ADGB: variants seen among roughly 807,000 people sequenced by gnomAD.
The protein encoded by ADGB is androglobin, also known as calpain-7-like protein.
ADGB carries 172 observed loss-of-function variants against 210.5 expected under a neutral mutation model. That is an observed-to-expected ratio of 0.82 (90% confidence interval 0.72 to 0.93). The LOEUF (loss-of-function observed/expected upper bound fraction) is 0.93. ADGB is among the 40% of genes least tolerant of loss of function. ADGB has a pLI of 0.00. For synonymous variants in ADGB, 658 were observed against 662.7 expected (o/e 0.99, Z 0.11); for missense variants, 2,025 against 1,964.8 (o/e 1.03, Z -0.58).
intron 1 of ADGB, among the ~76,000 whole-genome samples, chr6:146,634,998 A>G (rs1047340057): frequency 4.6e-5 from 7 of 152,022 alleles, no homozygotes; most frequent in Non-Finnish European, 1.0e-4. Context: ...AAATGACTTA[A>G]TTTTCAAAAA....
At chr6:146,711,359 GTTT>G (rs934655462) in intron 13 of ADGB, among the ~76,000 whole-genome samples, 34 of 144,106 alleles carry the variant, frequency 2.4e-4, no homozygotes, top group African/African-American at 8.3e-4. Context: ...AATGCCTGTT[GTTT>G]TTTTTTTTTA....
At chr6:146,631,933 T>A (rs1408831793) in intron 1 of ADGB, among the ~76,000 whole-genome samples, 1 of 151,140 alleles carries the variant, frequency 6.6e-6, no homozygotes, top group Non-Finnish European at 1.5e-5. Flanking sequence ...ATCTGCTAGC[T>A]GCATTTAGGT....
chr6:146,724,529 T>A, intron 18 of ADGB: 1 of 392,556 alleles, frequency 2.5e-6, no homozygotes, highest in Non-Finnish European at 4.4e-6. Flanking sequence ...AATATCCCTT[T>A]GGGAGATTCA....
At position 146,730,618 on chromosome 6, in the gene ADGB, C is replaced by T. The variant is rs576056491; in HGVS notation, c.2520+1877C>T. 3.9e-5 allele frequency among the ~76,000 whole-genome samples: 6 copies of T among 152,320 alleles called. No homozygotes were observed. In the East Asian group the frequency reaches 1.2e-3, roughly 29 times the overall value. On this transcript the variant is annotated intron_variant, in intron 20 of 35. Transcript: ENST00000397944. Reference sequence around the variant, plus strand: ...GTAGTCTCCTACTCTCCCAAAGAAACTTGGAAATACTGGTGCTATCTTCCA... The same window carrying T: ...GTAGTCTCCTACTCTCCCAAAGAAATTTGGAAATACTGGTGCTATCTTCCA...
rs1414925100 is a variant in ADGB at position 146,717,619 on chromosome 6, T to G, written c.1992+20T>G. The G allele has an allele frequency of 7.7e-7, 1 of 1,302,840 alleles. No individual in the cohort carries two copies. Among genetic ancestry groups the G allele is most frequent in the East Asian group, 2.7e-5 (1 of 37,182 alleles). 80.7% of individuals were successfully genotyped at this position (1,302,840 alleles called of 1,614,324 possible). The stretch of plus-strand genomic sequence containing the variant: ...TTTAAGGTAAGTATGTTAGAATCTT[T>G]TCTATTCTCTTTAAATTTTTGGTAG... On this transcript the variant is annotated intron_variant, in intron 16 of 35. Transcript: ENST00000397944.
chr6:146,791,212 T>A lies in ADGB; in HGVS notation c.4537+2602T>A, dbSNP rs1777949843. 2.0e-5 allele frequency among the ~76,000 whole-genome samples: 3 copies of A among 152,188 alleles called. No individual in the cohort carries two copies. In the South Asian group the frequency reaches 6.2e-4, roughly 32 times the overall value. On this transcript the variant is annotated intron_variant, in intron 33 of 35. Transcript: ENST00000397944. Reference sequence around the variant, plus strand: ...GTTTGGTACAGTCCCACTTGTCTATTTTTACTTTTGTTTCTGTGCTCTTAG... The same window carrying A: ...GTTTGGTACAGTCCCACTTGTCTATATTTACTTTTGTTTCTGTGCTCTTAG...
At chr6:146,611,575 C>T (rs1436855800) in intron 1 of ADGB, among the ~76,000 whole-genome samples, 1 of 152,158 alleles carries the variant, frequency 6.6e-6, no homozygotes, top group Non-Finnish European at 1.5e-5. Context: ...ACTGCTTCCC[C>T]CAGTAGCTGC....
intron 12 of ADGB, among the ~76,000 whole-genome samples, chr6:146,696,870 G>A (rs1776411764): frequency 6.6e-6 from 1 of 152,090 alleles, no homozygotes; most frequent in South Asian, 2.1e-4. Context: ...CTTGTTTCTA[G>A]TAATTATGCT....
chr6:146,656,965 G>A lies in ADGB; in HGVS notation c.597G>A (p.Val199=). ...PLFNSYGKYV[V]KLYWMGCWRK... ...TCAATAGCTATGGAAAGTATGTTGT[G>A]AAACTTTACTGGATGGTAAGTCCAT... The change falls in exon 5 of 36, where the codon GTG becomes GTA. Residue 199 remains valine (V), a synonymous_variant. Coordinates refer to ENST00000397944, the MANE Select transcript of ADGB (RefSeq NM_024694.4). 1 of 1,550,866 alleles carries A rather than the reference G, an allele frequency of 6.4e-7. No individual in the cohort carries two copies. Among genetic ancestry groups the A allele is most frequent in the Non-Finnish European group, 8.7e-7 (1 of 1,146,376 alleles).
chr6:146,670,784 G>A (rs1163812459), intron 7 of ADGB, among the ~76,000 whole-genome samples: 1 of 152,126 alleles, frequency 6.6e-6, no homozygotes, highest in African/African-American at 2.4e-5. Context: ...CTGGGATACA[G>A]TATGTGCTCA....
chr6:146,726,289 T>A, intron 19 of ADGB, 92 bp downstream of exon 19: 1 of 808,994 alleles, frequency 1.2e-6, no homozygotes. Flanking sequence ...TGGCATGATC[T>A]TGGCTCACTG....
intron 7 of ADGB, among the ~76,000 whole-genome samples, chr6:146,668,267 G>A (rs1479959650): frequency 6.6e-6 from 1 of 151,986 alleles, no homozygotes; most frequent in Non-Finnish European, 1.5e-5. Context: ...TATCAACCTG[G>A]ACCATCTCTG....
Position 146,701,030 on chromosome 6 carries a change from G to C in ADGB, c.1667G>C (p.Ser556Thr), listed in dbSNP as rs1272270512. The change falls in exon 13 of 36, where the codon AGC becomes ACC. Residue 556 changes from serine to threonine, a missense_variant. By Grantham distance (58) the Ser-to-Thr change is moderately conservative. Transcript: ENST00000397944. The stretch of plus-strand genomic sequence containing the variant: ...GAAACTGATGAAACTGCAACACATA[G>C]CCAGACAGACTTGAGTCAAATAACA... ...VSETDETATH[S>T]QTDLSQITKA... 6.4e-7 allele frequency: 1 copy of C among 1,550,786 alleles called. No homozygotes were observed. The highest frequency in any genetic ancestry group is 2.0e-5 in the Admixed American group (1 of 50,936).
At chr6:146,677,490 A>C (rs775594394) in intron 9 of ADGB, among the ~76,000 whole-genome samples, 4 of 152,154 alleles carry the variant, frequency 2.6e-5, no homozygotes, top group Non-Finnish European at 4.4e-5. Context: ...TGTGGATAGA[A>C]AAAAGTCACT....
chr6:146,792,931 C>T (rs920651212), intron 33 of ADGB, among the ~76,000 whole-genome samples: 3 of 152,106 alleles, frequency 2.0e-5, no homozygotes, highest in African/African-American at 4.8e-5. Flanking sequence ...CACGGACCTT[C>T]GCAGTGAGTG....
At chr6:146,736,425 T>A in intron 22 of ADGB, 73 bp from the exon 23 acceptor site, 1 of 974,780 alleles carries the variant, frequency 1.0e-6, no homozygotes, top group Non-Finnish European at 1.5e-6. Flanking sequence ...TTTGTGAAAA[T>A]GAAGGCTTTG....
At chr6:146,629,092 G>A (rs919446086) in intron 1 of ADGB, among the ~76,000 whole-genome samples, 1 of 151,854 alleles carries the variant, frequency 6.6e-6, no homozygotes, top group African/African-American at 2.4e-5. Context: ...AAAAGTATAG[G>A]GTTAAAGGCC....
chr6:146,793,803 G>A (rs1007429624), intron 33 of ADGB, among the ~76,000 whole-genome samples: 1 of 152,060 alleles, frequency 6.6e-6, no homozygotes, highest in African/African-American at 2.4e-5. Flanking sequence ...ATCCCTGACT[G>A]GTTAGTGTAA....
intron 19 of ADGB, among the ~76,000 whole-genome samples, chr6:146,727,344 T>C (rs1368930565): frequency 1.3e-5 from 2 of 152,110 alleles, no homozygotes; most frequent in Non-Finnish European, 2.9e-5. Context: ...CCTCCTCTGT[T>C]TGCTGTGCCA....
Sources: allele counts gnomAD v4.1 joint callset (sites outside exome capture counted in the v4.1 genomes callset), GRCh38; gene constraint gnomAD v4.1.1; transcripts MANE v1.5; gene names NCBI Gene and HGNC (gene_info 2026-07-23, HGNC 2026-07-21).